NXNL2: variants seen among roughly 807,000 people sequenced by gnomAD.
The protein encoded by NXNL2 is nucleoredoxin like 2, also known as nucleoredoxin-like protein 2.
NXNL2 carries 7 observed loss-of-function variants against 11.1 expected under a neutral mutation model. The ratio of observed to expected loss-of-function variants is 0.63; its 90% confidence interval spans 0.36 to 1.18. The LOEUF is 1.18. Among genes scored for constraint, NXNL2 ranks in the 50% most tolerant of loss-of-function variants. NXNL2 has a pLI of 0.02. For missense variants in NXNL2, 233 were observed against 217.7 expected (o/e 1.07, Z -0.44); for synonymous variants, 109 against 101.8 (o/e 1.07, Z -0.42).
At position 88,575,061 on chromosome 9, in the gene NXNL2, A is replaced by C. The variant is rs577663936; in HGVS notation, c.*17-26A>C. 7.0e-5 allele frequency: 59 copies of C among 840,730 alleles called. No homozygotes were observed. The South Asian group carries it at 3.1e-3, about 44-fold the overall frequency. 52.1% of individuals were successfully genotyped at this position (840,730 alleles called of 1,614,324 possible). Reference sequence around the variant, plus strand: ...CATTAAAAGATCTGGCACTAAGCTCACCCTCCCCTTCTTATTCCTTTGAAG... The same window carrying C: ...CATTAAAAGATCTGGCACTAAGCTCCCCCTCCCCTTCTTATTCCTTTGAAG... On this transcript the variant is annotated intron_variant, in intron 2 of 2. Coordinates refer to the NXNL2 transcript ENST00000375855.
chr9:88,562,103 C>G (rs2104792), intron 1 of NXNL2, among the ~76,000 whole-genome samples: 28,401 of 152,146 alleles, frequency 0.19, 4,136 homozygotes, highest in East Asian at 0.79. Context: ...CATGATACTA[C>G]ACAGGGACAA....
intron 1 of NXNL2, among the ~76,000 whole-genome samples, chr9:88,581,755 T>C (rs1448361492): frequency 6.6e-6 from 1 of 152,218 alleles, no homozygotes; most frequent in Non-Finnish European, 1.5e-5. Context: ...TGCACCCGGC[T>C]GCAACCACTT....
intron 1 of NXNL2, among the ~76,000 whole-genome samples, chr9:88,582,421 A>G (rs1290120137): frequency 6.6e-6 from 1 of 152,118 alleles, no homozygotes; most frequent in Non-Finnish European, 1.5e-5. Context: ...GTGAGCCGAG[A>G]TCGCACCACT....
downstream of NXNL2, among the ~76,000 whole-genome samples, chr9:88,576,543 G>A (rs1830350664): frequency 6.6e-6 from 1 of 152,204 alleles, no homozygotes; most frequent in African/African-American, 2.4e-5. Flanking sequence ...CTTCCAGTTT[G>A]CTAGCAGGTG....
chr9:88,538,371 T>C (rs1829673698), intron 1 of NXNL2: 1 of 152,198 alleles, frequency 6.6e-6, no homozygotes, highest in Non-Finnish European at 1.5e-5. Flanking sequence ...TGAGAACAAC[T>C]CAAAGAGCTT....
intron 1 of NXNL2, among the ~76,000 whole-genome samples, chr9:88,564,285 T>TTATCTATCTATCTATC (rs71507766): frequency 1.4e-5 from 2 of 140,160 alleles, no homozygotes; most frequent in Admixed American, 7.1e-5. Flanking sequence ...TATCTATCTA[T>TTATCTATCTATCTATC]TATCTATCTA....
chr9:88,535,784 C>A, intron 1 of NXNL2, 48 bp downstream of exon 1: 1 of 1,462,030 alleles, frequency 6.8e-7, no homozygotes, highest in East Asian at 2.3e-5. Context: ...ACGTCTCCCC[C>A]ATGTTCCCCC....
chr9:88,543,006 C>A (rs538290275), intron 1 of NXNL2, among the ~76,000 whole-genome samples: 28 of 152,256 alleles, frequency 1.8e-4, no homozygotes, highest in African/African-American at 5.3e-4. Flanking sequence ...GGGATTTCAC[C>A]CGGCTGCCCT....
chr9:88,552,502 T>C, intron 1 of NXNL2, among the ~76,000 whole-genome samples: 1 of 147,872 alleles, frequency 6.8e-6, no homozygotes, highest in African/African-American at 2.6e-5. Context: ...AGATGGAGTC[T>C]CGCTCTGTCA....
downstream of NXNL2, among the ~76,000 whole-genome samples, chr9:88,548,160 GA>G (rs1347096676): frequency 2.6e-4 from 40 of 151,106 alleles, no homozygotes; most frequent in African/African-American, 9.2e-4. Context: ...ACAACATGGT[GA>G]AACCCCGTCT....
chr9:88,579,370 T>C (rs1732658518), downstream of NXNL2, among the ~76,000 whole-genome samples: 1 of 152,116 alleles, frequency 6.6e-6, no homozygotes, highest in Non-Finnish European at 1.5e-5. Context: ...GTGGCCTGAC[T>C]AGGGATTGGG....
rs377574240 is a variant in NXNL2 at position 88,535,775 on chromosome 9, C to T, written c.302+39C>T. On this transcript the variant is annotated intron_variant, in intron 1 of 1. Transcript: ENST00000375854. ...CTGGGGGGGCGGGGGCCGCCCGGCA[C>T]GTCTCCCCCATGTTCCCCCAGGCCT... 1.5e-5 allele frequency: 23 copies of T among 1,493,370 alleles called. No individual in the cohort carries two copies. In the African/African-American group the frequency reaches 2.4e-4, roughly 15 times the overall value. 92.5% of individuals were successfully genotyped at this position (1,493,370 alleles called of 1,614,324 possible).
chr9:88,535,424 G>A lies in NXNL2; in HGVS notation c.-11G>A. The A allele has an allele frequency of 2.5e-6, 4 of 1,584,402 alleles. No homozygotes were observed. The highest frequency in any genetic ancestry group is 3.4e-6 in the Non-Finnish European group (4 of 1,168,090). On this transcript the variant is annotated 5_prime_UTR_variant, in exon 1 of 2. The change creates a new upstream start codon in the 5' untranslated region. Transcript: ENST00000375854. The stretch of plus-strand genomic sequence containing the variant: ...GTGTCCTCGGGTCTCAGGTGGCTGC[G>A]TGTCTGCGCCATGGTTGACATTCTG...
downstream of NXNL2, among the ~76,000 whole-genome samples, chr9:88,576,497 G>T (rs545796918): frequency 6.6e-6 from 1 of 152,302 alleles, no homozygotes; most frequent in African/African-American, 2.4e-5. Context: ...TGAAGATAAA[G>T]TCTCCCAGGG....
intron 1 of NXNL2, among the ~76,000 whole-genome samples, chr9:88,554,011 A>C (rs1306988144): frequency 1.3e-5 from 2 of 152,138 alleles, no homozygotes; most frequent in African/African-American, 4.8e-5. Context: ...TCATCCATTC[A>C]TTCATTCAAC....
exon 3 of NXNL2, chr9:88,575,214 G>C: frequency 1.1e-6 from 1 of 931,306 alleles, no homozygotes; most frequent in Non-Finnish European, 1.3e-6. Flanking sequence ...ACAATGTGCT[G>C]TGACCATGTG....
chr9:88,578,203 C>T (rs1177757529), downstream of NXNL2, among the ~76,000 whole-genome samples: 2 of 152,202 alleles, frequency 1.3e-5, no homozygotes, highest in Non-Finnish European at 1.5e-5. Context: ...AATAACTGGA[C>T]GCAGGATAAG....
intron 1 of NXNL2, among the ~76,000 whole-genome samples, chr9:88,536,934 G>A (rs1468639074): frequency 1.3e-5 from 2 of 152,120 alleles, no homozygotes; most frequent in African/African-American, 4.8e-5. Context: ...CAGTTCAAGT[G>A]GTGCTTTTAA....
rs377626707 is a variant in NXNL2 at position 88,560,514 on chromosome 9, C to T, written c.303-10573C>T. Among the ~76,000 whole-genome samples, 17 of 151,922 alleles carry T rather than the reference C, an allele frequency of 1.1e-4. No homozygotes were observed. In the East Asian group the frequency reaches 1.4e-3, roughly 12 times the overall value. On this transcript the variant is annotated intron_variant, in intron 1 of 2. Transcript: ENST00000375855. ...TGCAGGGGACTAGATGTTTATGAAG[C>T]GTAACAGAATCAGTTAGAAAAGGGA... is the stretch of plus-strand genomic sequence containing the variant.
Sources: allele counts gnomAD v4.1 joint callset (sites outside exome capture counted in the v4.1 genomes callset), GRCh38; gene constraint gnomAD v4.1.1; transcripts MANE v1.5; gene names NCBI Gene and HGNC (gene_info 2026-07-23, HGNC 2026-07-21).